The following ZHX2 variants were observed in gnomAD, a reference collection of about 807,000 sequenced individuals.
The protein encoded by ZHX2 is zinc fingers and homeoboxes 2, also known as zinc fingers and homeoboxes protein 2.
ZHX2 carries 6 observed loss-of-function variants against 21.9 expected under a neutral mutation model. That is an observed-to-expected ratio of 0.27 (90% CI 0.15 to 0.54). The LOEUF is 0.54. Ranked by LOEUF, ZHX2 falls within the 20% of genes least tolerant of loss-of-function variation. The probability of loss-of-function intolerance (pLI) is 0.95; values close to 1 mark genes in which losing one functional copy is unlikely to be tolerated. For missense variants in ZHX2, 908 were observed against 1,090.7 expected (o/e 0.83, Z 2.36); for synonymous variants, 434 against 437.1 (o/e 0.99, Z 0.09).
intron 3 of ZHX2, among the ~76,000 whole-genome samples, chr8:122,954,694 AG>A (rs889300443): frequency 6.6e-6 from 1 of 152,162 alleles, no homozygotes; most frequent in African/African-American, 2.4e-5. Flanking sequence ...GGCTGTGCCC[AG>A]GGGGCAGCAC....
At chr8:122,802,927 C>T (rs1275152488) in intron 1 of ZHX2, among the ~76,000 whole-genome samples, 10 of 152,124 alleles carry the variant, frequency 6.6e-5, no homozygotes, top group Admixed American at 6.5e-4. Flanking sequence ...GAGAATGCTC[C>T]CCTGCATCCC....
chr8:122,952,539 G>A lies in ZHX2; in HGVS notation c.1029G>A (p.Pro343=), dbSNP rs372880887. 27 of 1,613,976 alleles carry A rather than the reference G, an allele frequency of 1.7e-5. No homozygotes were observed. The highest frequency in any genetic ancestry group is 2.2e-5 in the East Asian group (1 of 44,892). ...ACGGCACCATCCAGTCAGTACCCCCGACCATCACTGTGCTGCCCGCCCAGT... is the reference window on the plus strand; with the variant it reads ...ACGGCACCATCCAGTCAGTACCCCCAACCATCACTGTGCTGCCCGCCCAGT... ...MFNGTIQSVP[P]TITVLPAQLA... The change falls in exon 3 of 4, where the codon CCG becomes CCA. Residue 343 remains proline, a synonymous_variant. Coordinates refer to ENST00000314393, the MANE Select transcript of ZHX2 (RefSeq NM_014943.5). This position sits in a 1 kb window ranked among gnomAD's most constrained non-coding sequence, Gnocchi z 6.9.
At chr8:122,920,061 G>T (rs560488062) in intron 2 of ZHX2, among the ~76,000 whole-genome samples, 2 of 152,274 alleles carry the variant, frequency 1.3e-5, no homozygotes, top group East Asian at 3.9e-4. Flanking sequence ...GTCATCTGAG[G>T]TCAGGAGTTC....
At chr8:122,817,137 G>A (rs933694277) in intron 1 of ZHX2, among the ~76,000 whole-genome samples, 1 of 152,224 alleles carries the variant, frequency 6.6e-6, no homozygotes. Context: ...TGCAAGGAAG[G>A]TTGGAAAATG....
rs769612386 is a variant in ZHX2, at chr8:122,953,227, A to G, written c.1717A>G (p.Ile573Val). The G allele has an allele frequency of 8.7e-6, 14 of 1,613,880 alleles. No individual in the cohort carries two copies. Among genetic ancestry groups the G allele is most frequent in the Non-Finnish European group, 1.2e-5 (14 of 1,179,988 alleles). Residue 573 changes from isoleucine (I) to valine (V), a missense_variant, in exon 3 of 4, where the codon ATC becomes GTC. Ile to Val is a conservative substitution (Grantham distance 29). Coordinates refer to ENST00000314393, the MANE Select transcript of ZHX2 (RefSeq NM_014943.5). The surrounding 1 kb of genome is among the most constrained non-coding windows in gnomAD (Gnocchi z 4.6). ...GGAGACCAAGCTGAGCAGGAGAGAG[A>G]TCGACTCCTGGTTCTCGGAGAGGCG... is the stretch of plus-strand genomic sequence containing the variant. Reference protein sequence around the residue: ...RVETKLSRREIDSWFSERRKL... With the variant: ...RVETKLSRREVDSWFSERRKL...
At chr8:122,918,237 G>A (rs773656786) in intron 2 of ZHX2, among the ~76,000 whole-genome samples, 5 of 152,160 alleles carry the variant, frequency 3.3e-5, no homozygotes, top group South Asian at 2.1e-4. Flanking sequence ...ACTGTGTCCC[G>A]ACCGCCTTTG....
intron 2 of ZHX2, among the ~76,000 whole-genome samples, chr8:122,882,342 G>C (rs762820915): frequency 6.6e-5 from 10 of 151,422 alleles, no homozygotes; most frequent in Non-Finnish European, 1.5e-4. Flanking sequence ...GAGAGAGACA[G>C]CTCTCTTATT....
intron 2 of ZHX2, among the ~76,000 whole-genome samples, chr8:122,931,987 C>A (rs1205443478): frequency 6.6e-6 from 1 of 152,114 alleles, no homozygotes. Context: ...TGGTGCGTGA[C>A]TCTCTAAAGA....
intron 2 of ZHX2, among the ~76,000 whole-genome samples, chr8:122,874,553 G>A (rs1234102341): frequency 1.3e-5 from 2 of 152,040 alleles, no homozygotes; most frequent in Non-Finnish European, 2.9e-5. Context: ...GGCTGGTCTC[G>A]AACTGCTGAC....
At chr8:122,909,609 C>A (rs1386813045) in intron 2 of ZHX2, among the ~76,000 whole-genome samples, 1 of 152,114 alleles carries the variant, frequency 6.6e-6, no homozygotes, top group Non-Finnish European at 1.5e-5. Flanking sequence ...CTCCTCTCCC[C>A]CCCACAACCT....
At chr8:122,930,165 C>T (rs930333537) in intron 2 of ZHX2, among the ~76,000 whole-genome samples, 64 of 152,178 alleles carry the variant, frequency 4.2e-4, no homozygotes, top group African/African-American at 1.5e-3. Context: ...GGCTAAGAAG[C>T]TCCTGCAAGA....
At chr8:122,798,801 CAAA>C (rs35258860) in intron 1 of ZHX2, among the ~76,000 whole-genome samples, 1 of 128,950 alleles carries the variant, frequency 7.8e-6, no homozygotes. Flanking sequence ...GAGACTGTCT[CAAA>C]AAAAAAAAAA....
chr8:122,942,557 T>C (rs1229990454), intron 2 of ZHX2, among the ~76,000 whole-genome samples: 4 of 152,184 alleles, frequency 2.6e-5, no homozygotes, highest in Non-Finnish European at 5.9e-5. Flanking sequence ...GGTAGACCCC[T>C]GGGATCCCGG....
At chr8:122,940,640 G>A (rs1812818183) in intron 2 of ZHX2, among the ~76,000 whole-genome samples, 1 of 152,198 alleles carries the variant, frequency 6.6e-6, no homozygotes, top group Admixed American at 6.5e-5. Context: ...GAGCTTCTCA[G>A]AGCAGCATGT....
chr8:122,927,331 C>T (rs962563159), intron 2 of ZHX2, among the ~76,000 whole-genome samples: 2 of 152,066 alleles, frequency 1.3e-5, no homozygotes, highest in African/African-American at 4.8e-5. Flanking sequence ...GCCGTCTCTA[C>T]TAAAAATACA....
chr8:122,814,348 T>C (rs895617416), intron 1 of ZHX2, among the ~76,000 whole-genome samples: 1 of 152,202 alleles, frequency 6.6e-6, no homozygotes, highest in African/African-American at 2.4e-5. Context: ...ACTGGCCACA[T>C]TTAGGAGTTC....
chr8:122,859,844 C>A (rs1393970647), intron 1 of ZHX2, among the ~76,000 whole-genome samples: 2 of 152,114 alleles, frequency 1.3e-5, no homozygotes. Context: ...TGGTGCATAG[C>A]ACAGAATCAG....
At chr8:122,954,087 G>T in intron 3 of ZHX2, 59 bp downstream of exon 3, 1 of 1,450,818 alleles carries the variant, frequency 6.9e-7, no homozygotes, top group Non-Finnish European at 9.2e-7. Context: ...TCTTTTCGTT[G>T]CCAGGGTTAA....
At chr8:122,820,143 A>C (rs114907708) in intron 1 of ZHX2, among the ~76,000 whole-genome samples, 48 of 152,268 alleles carry the variant, frequency 3.2e-4, no homozygotes, top group Middle Eastern at 3.4e-3. Flanking sequence ...TTCTTACTCA[A>C]ACCCAGGGGG....
Sources: allele counts gnomAD v4.1 joint callset (sites outside exome capture counted in the v4.1 genomes callset), GRCh38; gene constraint gnomAD v4.1.1; non-coding constraint Gnocchi (gnomAD v3.1); transcripts MANE v1.5; gene names NCBI Gene and HGNC (gene_info 2026-07-23, HGNC 2026-07-21).